ECT2L: variants seen among roughly 807,000 people sequenced by gnomAD.
The protein encoded by ECT2L is epithelial cell-transforming sequence 2 oncogene-like.
Under a neutral mutation model 122.8 loss-of-function variants are expected in ECT2L, and 126 were observed. That is an observed-to-expected ratio of 1.03 (90% CI 0.89 to 1.19). The LOEUF (loss-of-function observed/expected upper bound fraction) is 1.19, where lower values mean the gene tolerates loss of function less well. ECT2L is among the 50% of genes most tolerant of loss of function. The probability of loss-of-function intolerance (pLI) is 0.00; values close to 1 mark genes in which losing one functional copy is unlikely to be tolerated. For synonymous variants in ECT2L, 385 were observed against 381.8 expected (o/e 1.01, Z -0.10); for missense variants, 1,012 against 1,064.1 (o/e 0.95, Z 0.68).
chr6:138,835,107 G>A (rs1270993568), intron 4 of ECT2L, among the ~76,000 whole-genome samples: 1 of 151,666 alleles, frequency 6.6e-6, no homozygotes, highest in Non-Finnish European at 1.5e-5. Context: ...GTTAAAACTT[G>A]GAACTGAAGC....
intron 10 of ECT2L, among the ~76,000 whole-genome samples, chr6:138,858,221 T>G (rs1442505577): frequency 6.6e-6 from 1 of 152,190 alleles, no homozygotes; most frequent in Non-Finnish European, 1.5e-5. Flanking sequence ...ATCTCTGAGC[T>G]GCAGACTCAT....
At chr6:138,882,618 C>T (rs1562490611) in intron 15 of ECT2L, 106 bp from the exon 16 acceptor site, 2 of 1,350,226 alleles carry the variant, frequency 1.5e-6, no homozygotes, top group Non-Finnish European at 2.0e-6. Context: ...CAAAACCCTA[C>T]CGTAAAGGAC....
chr6:138,833,867 C>T (rs1418829467), intron 4 of ECT2L, among the ~76,000 whole-genome samples: 1 of 151,782 alleles, frequency 6.6e-6, no homozygotes, highest in Non-Finnish European at 1.5e-5. Context: ...ATGAACAGCA[C>T]CCAGACCCTG....
intron 11 of ECT2L, 118 bp downstream of exon 11, chr6:138,862,837 T>C (rs1387925870): frequency 9.3e-6 from 7 of 751,532 alleles, no homozygotes; most frequent in African/African-American, 3.5e-5. Flanking sequence ...TCTCTTTCAT[T>C]CCTCCCCTGA....
At position 138,876,566 on chromosome 6, in the gene ECT2L, A is replaced by G. The variant is rs769328858; in HGVS notation, c.1665+8A>G. On this transcript the variant is annotated splice_region_variant and intron_variant, in intron 14 of 21. Transcript: ENST00000541398. ...GAAGCACTGATTAATCTGGTAAGCTATTATATAATGTAACTTTACCATTGG... is the reference window on the plus strand; with the variant it reads ...GAAGCACTGATTAATCTGGTAAGCTGTTATATAATGTAACTTTACCATTGG... 1.3e-6 allele frequency: 2 copies of G among 1,577,764 alleles called. No homozygotes were observed. Among genetic ancestry groups the G allele is most frequent in the South Asian group, 2.3e-5 (2 of 88,602 alleles).
intron 4 of ECT2L, among the ~76,000 whole-genome samples, chr6:138,830,073 A>C (rs900999572): frequency 5.3e-5 from 8 of 152,198 alleles, no homozygotes; most frequent in African/African-American, 1.9e-4. Context: ...ATGGCTATTC[A>C]ACTAATTCAA....
chr6:138,796,628 G>A (rs1775353818), intron 1 of ECT2L, among the ~76,000 whole-genome samples: 1 of 152,186 alleles, frequency 6.6e-6, no homozygotes, highest in South Asian at 2.1e-4. Flanking sequence ...AATGAGGGAG[G>A]AATACAAAAA....
intron 7 of ECT2L, among the ~76,000 whole-genome samples, chr6:138,846,281 A>C (rs1364378176): frequency 6.6e-6 from 1 of 152,160 alleles, no homozygotes; most frequent in South Asian, 2.1e-4. Flanking sequence ...TTAAGTGCCC[A>C]ATAAGAGATA....
At chr6:138,826,036 C>T (rs1245484440) in intron 4 of ECT2L, among the ~76,000 whole-genome samples, 1 of 152,222 alleles carries the variant, frequency 6.6e-6, no homozygotes, top group Non-Finnish European at 1.5e-5. Flanking sequence ...TCGCCCAGTT[C>T]GCCTGTTCAG....
At chr6:138,801,032 G>C (rs1041195809) in intron 1 of ECT2L, among the ~76,000 whole-genome samples, 12 of 152,124 alleles carry the variant, frequency 7.9e-5, no homozygotes, top group African/African-American at 2.7e-4. Context: ...GTAAGGGTCT[G>C]AATTCCAGTT....
rs1582632193 is a variant in ECT2L, at chr6:138,865,066, A to G, written c.1362A>G (p.Leu454=). Residue 454 remains leucine (L), a synonymous_variant, in exon 12 of 22, where the codon CTA becomes CTG. Coordinates refer to ENST00000541398, the MANE Select transcript of ECT2L (RefSeq NM_001077706.3). ...PSSIYFCESK[L]QTWSSFTDFL... ...CCATCTACTTCTGCGAATCGAAGCT[A>G]CAGACGTGGTCCAGCTTCACAGACT... The G allele has an allele frequency of 6.2e-7, 1 of 1,614,148 alleles. No homozygotes were observed. The highest frequency in any genetic ancestry group is 1.1e-5 in the South Asian group (1 of 91,076).
chr6:138,834,159 A>G (rs773408403), intron 4 of ECT2L, among the ~76,000 whole-genome samples: 13 of 152,236 alleles, frequency 8.5e-5, no homozygotes, highest in Non-Finnish European at 1.6e-4. Flanking sequence ...ATTATCATGA[A>G]TTATTTAAAT....
At chr6:138,829,305 T>A (rs1458458712) in intron 4 of ECT2L, among the ~76,000 whole-genome samples, 3 of 152,232 alleles carry the variant, frequency 2.0e-5, no homozygotes, top group Non-Finnish European at 4.4e-5. Flanking sequence ...ATTGCCGTAA[T>A]AGAGCACTCT....
In ECT2L at chr6:138,885,798, C is replaced by G; in HGVS notation, c.2227C>G (p.Gln743Glu). The G allele has an allele frequency of 6.2e-7, 1 of 1,613,078 alleles. No homozygotes were observed. The change falls in exon 18 of 22, where the codon CAA (glutamine) becomes GAA (glutamate). Residue 743 changes from glutamine (Q) to glutamate (E), a missense_variant. Gln to Glu is a conservative substitution (Grantham distance 29, BLOSUM62 2). Coordinates refer to ENST00000541398, the MANE Select transcript of ECT2L (RefSeq NM_001077706.3). ...DRGDLTTAID[Q>E]IKKYKGYIDQ... ...TGGGGACTTGACCACTGCAATTGAC[C>G]AAATCAAAAAATATAAAGGTTATAT...
intron 1 of ECT2L, among the ~76,000 whole-genome samples, chr6:138,796,645 T>G (rs1455994908): frequency 6.6e-6 from 1 of 152,180 alleles, no homozygotes; most frequent in East Asian, 1.9e-4. Context: ...AAAAATCTAC[T>G]GTGAATATAG....
At chr6:138,867,276 C>T (rs1396310473) in intron 12 of ECT2L, among the ~76,000 whole-genome samples, 3 of 152,086 alleles carry the variant, frequency 2.0e-5, no homozygotes, top group African/African-American at 7.2e-5. Flanking sequence ...TTTTTATAGA[C>T]TAGACATTTA....
chr6:138,899,439 T>G (rs1016569285), intron 20 of ECT2L, among the ~76,000 whole-genome samples: 1 of 149,434 alleles, frequency 6.7e-6, no homozygotes, highest in Non-Finnish European at 1.5e-5. Context: ...TGTACATAGA[T>G]TGTGTGTGTG....
chr6:138,896,212 T>G (rs917145372), intron 20 of ECT2L, among the ~76,000 whole-genome samples: 1 of 151,986 alleles, frequency 6.6e-6, no homozygotes, highest in Non-Finnish European at 1.5e-5. Context: ...ATTACAGGCG[T>G]GAGCCACTGC....
At chr6:138,802,994 T>G (rs780618245) in intron 1 of ECT2L, among the ~76,000 whole-genome samples, 7 of 151,818 alleles carry the variant, frequency 4.6e-5, no homozygotes, top group Non-Finnish European at 1.0e-4. Context: ...GAAAATCGCT[T>G]GAACCCAGAA....
Sources: gnomAD v4.1 joint callset for allele counts (sites outside exome capture counted in the v4.1 genomes callset) on GRCh38, gnomAD v4.1.1 for gene constraint, MANE v1.5 for transcripts, NCBI Gene and HGNC (gene_info 2026-07-23, HGNC 2026-07-21) for gene names.